Variants in DSCAM observed in about 807,000 individuals in gnomAD.
The protein encoded by DSCAM is cell adhesion molecule DSCAM.
A neutral mutation model predicts 217.7 loss-of-function variants in DSCAM; 47 were observed. The observed-to-expected ratio is 0.22, with a 90% CI of 0.17 to 0.28. DSCAM has a LOEUF of 0.28. Ranked by LOEUF, DSCAM falls within the 10% of genes least tolerant of loss-of-function variation. DSCAM has a pLI of 1.00. For synonymous variants in DSCAM, 1,056 were observed against 1,015.3 expected, an observed-to-expected ratio of 1.04 and a Z score of -0.76; for missense variants, 2,080 against 2,618.3, an observed-to-expected ratio of 0.79 and a Z score of 4.49.
chr21:40,280,354 G>A (rs915991927), intron 10 of DSCAM, among the ~76,000 whole-genome samples: 1 of 151,712 alleles, frequency 6.6e-6, no homozygotes, highest in Non-Finnish European at 1.5e-5. Context: ...ACCCCGCTAG[G>A]CCTTTAAAAA....
chr21:40,708,376 C>T (rs1246424387), intron 2 of DSCAM, 78 bp downstream of exon 2: 15 of 1,220,164 alleles, frequency 1.2e-5, no homozygotes, highest in African/African-American at 1.5e-5. Flanking sequence ...GCTGTGATGG[C>T]ATTTTGCTAT....
chr21:40,355,347 G>T (rs1003857065), intron 4 of DSCAM, among the ~76,000 whole-genome samples: 1 of 152,200 alleles, frequency 6.6e-6, no homozygotes, highest in East Asian at 1.9e-4. Context: ...GCTTGCAAAT[G>T]ATCACTTATG....
At chr21:40,813,645 GT>G (rs869088003) in intron 1 of DSCAM, among the ~76,000 whole-genome samples, 335 of 126,460 alleles carry the variant, frequency 2.6e-3, no homozygotes, top group Non-Finnish European at 2.8e-3. Context: ...TTTCTTTCTT[GT>G]TTTTTTTTTT....
At position 40,078,983 on chromosome 21, in the gene DSCAM, G is replaced by A. The variant is rs2089412870; in HGVS notation, c.4421-6C>T. 1.9e-6 allele frequency: 3 copies of A among 1,612,486 alleles called. No individual in the cohort carries two copies. The highest frequency in any genetic ancestry group is 1.7e-6 in the Non-Finnish European group (2 of 1,178,974). ...CTCCTTTGAGAACTGGGGCTCTGGG[G>A]GAGAAGGCACATGGAGGTCAGCTCA... On this transcript the variant is annotated splice_region_variant and splice_polypyrimidine_tract_variant and intron_variant, in intron 25 of 32. Transcript: ENST00000400454.
intron 20 of DSCAM, among the ~76,000 whole-genome samples, chr21:40,113,178 G>A (rs902790693): frequency 1.3e-5 from 2 of 152,108 alleles, no homozygotes; most frequent in African/African-American, 4.8e-5. Flanking sequence ...TAAAATACTG[G>A]CAAACCGAAT....
chr21:40,250,824 C>G lies in DSCAM; in HGVS notation c.2356+25273G>C, dbSNP rs77819817. Reference sequence around the variant, plus strand: ...TTAAGCACTCTTCAATAAAGGGCTACCTTGGCAAGTTCAAGATTTGAATGG... The same window carrying G: ...TTAAGCACTCTTCAATAAAGGGCTAGCTTGGCAAGTTCAAGATTTGAATGG... On this transcript the variant is annotated intron_variant, in intron 11 of 32. Transcript: ENST00000400454. 9.8e-3 allele frequency among the ~76,000 whole-genome samples: 1,489 copies of G among 152,318 alleles called. 16 individuals carry two copies. Among genetic ancestry groups the G allele is most frequent in the Middle Eastern group, 0.02 (6 of 294 alleles).
At chr21:40,644,382 G>C (rs1232056592) in intron 3 of DSCAM, among the ~76,000 whole-genome samples, 1 of 152,200 alleles carries the variant, frequency 6.6e-6, no homozygotes, top group Non-Finnish European at 1.5e-5. Context: ...GGTGAGGCAG[G>C]AGAATAGGGT....
rs116747302 is a variant in DSCAM at position 40,321,245 on chromosome 21, C to A, written c.1784-8886G>T. Among the ~76,000 whole-genome samples, 320 of 152,256 alleles carry A rather than the reference C, an allele frequency of 2.1e-3. 2 individuals are homozygous for A. Among genetic ancestry groups the A allele is most frequent in the African/African-American group, 7.2e-3 (300 of 41,548 alleles). Reference sequence around the variant, plus strand: ...CAGCTCAATGCTGTTGACTCCTAATCTAAATTTTCAAACAAAAACTCCTTC... The same window carrying A: ...CAGCTCAATGCTGTTGACTCCTAATATAAATTTTCAAACAAAAACTCCTTC... On this transcript the variant is annotated intron_variant, in intron 8 of 32. Transcript: ENST00000400454.
chr21:40,677,709 C>T (rs2090356699), intron 3 of DSCAM, among the ~76,000 whole-genome samples: 1 of 152,068 alleles, frequency 6.6e-6, no homozygotes, highest in Non-Finnish European at 1.5e-5. Flanking sequence ...GTGATTAGGT[C>T]GTGAGGGTGG....
intron 5 of DSCAM, among the ~76,000 whole-genome samples, chr21:40,348,555 T>C (rs1273703228): frequency 6.6e-6 from 1 of 152,122 alleles, no homozygotes; most frequent in Non-Finnish European, 1.5e-5. Context: ...ATTGCAATCA[T>C]ACTCCTAACA....
chr21:40,492,700 G>A (rs2076085901), intron 3 of DSCAM, among the ~76,000 whole-genome samples: 1 of 150,728 alleles, frequency 6.6e-6, no homozygotes, highest in African/African-American at 2.4e-5. Context: ...AAGAAAGAAT[G>A]AGAAAATTTG....
At chr21:40,536,071 G>A (rs2076493646) in intron 3 of DSCAM, among the ~76,000 whole-genome samples, 1 of 152,174 alleles carries the variant, frequency 6.6e-6, no homozygotes, top group African/African-American at 2.4e-5. Context: ...ATCTCTGAAT[G>A]GTGAACCTCA....
Position 40,568,317 on chromosome 21 carries a change from T to A in DSCAM, c.508+124493A>T, listed in dbSNP as rs756966656. 5.2e-4 allele frequency among the ~76,000 whole-genome samples: 79 copies of A among 152,228 alleles called. 1 individual carries two copies. The highest frequency in any genetic ancestry group is 1.5e-3 in the African/African-American group (61 of 41,550). On this transcript the variant is annotated intron_variant, in intron 3 of 32. Coordinates refer to ENST00000400454, the MANE Select transcript of DSCAM (RefSeq NM_001389.5). ...GTTAGTATGGTTCAAATATATATAT[T>A]TTTTTTCTTTAAGATTGCTGGTCTA... is the stretch of plus-strand genomic sequence containing the variant.
Position 40,411,171 on chromosome 21 carries a change from TATATACACACACACACACACAC to T in DSCAM, c.509-41948_509-41927del, listed in dbSNP as rs1224717901. 3.6e-4 allele frequency among the ~76,000 whole-genome samples: 12 copies of T among 33,404 alleles called. No homozygotes were observed. The Admixed American group carries it at 4.7e-3, about 13-fold the overall frequency. 21.9% of individuals were successfully genotyped at this position (33,404 alleles called of 152,430 possible). A position where few individuals can be genotyped will look rare whatever the true frequency, so the allele number is the denominator to read the frequency against. ...ATATTACTTGAAGATAGACAGTAAT[TATATACACACACACACACACAC>T]ACACACACACACACACACACACACA... On this transcript the variant is annotated intron_variant, in intron 3 of 32. Coordinates refer to ENST00000400454, the MANE Select transcript of DSCAM (RefSeq NM_001389.5).
At chr21:40,286,991 T>A (rs2073835263) in intron 10 of DSCAM, among the ~76,000 whole-genome samples, 1 of 122,928 alleles carries the variant, frequency 8.1e-6, no homozygotes, top group Non-Finnish European at 1.7e-5. Flanking sequence ...TGATCCACAG[T>A]GTGATCTGCA....
rs542389373 is a variant in DSCAM, at chr21:40,221,721, T to G, written c.2357-32483A>C. Among the ~76,000 whole-genome samples, 65 of 152,264 alleles carry G rather than the reference T, an allele frequency of 4.3e-4. 1 individual carries two copies. In the South Asian group the frequency reaches 0.013, roughly 30 times the overall value. ...AGGATTCAAGGCAGTGGCACCAAAC[T>G]CTTCTCACGGCCGTTGTGGTCTTCA... On this transcript the variant is annotated intron_variant, in intron 11 of 32. Transcript: ENST00000400454.
chr21:40,669,866 C>T (rs1028872169), intron 3 of DSCAM, among the ~76,000 whole-genome samples: 7 of 151,850 alleles, frequency 4.6e-5, no homozygotes, highest in Admixed American at 2.0e-4. Context: ...CTACTGCGCC[C>T]GACCATGTTA....
intron 11 of DSCAM, among the ~76,000 whole-genome samples, chr21:40,189,492 G>T (rs374657350): frequency 6.6e-6 from 1 of 152,110 alleles, no homozygotes; most frequent in African/African-American, 2.4e-5. Flanking sequence ...CCCTGTTGAG[G>T]GCTATGGCCT....
intron 11 of DSCAM, among the ~76,000 whole-genome samples, chr21:40,198,715 A>C (rs1482784093): frequency 1.3e-5 from 2 of 152,244 alleles, no homozygotes; most frequent in African/African-American, 4.8e-5. Flanking sequence ...TCCAGGGGGC[A>C]GGAAAGTGAA....
Sources: allele counts gnomAD v4.1 joint callset (sites outside exome capture counted in the v4.1 genomes callset), GRCh38; gene constraint gnomAD v4.1.1; transcripts MANE v1.5; gene names NCBI Gene and HGNC (gene_info 2026-07-23, HGNC 2026-07-21).